Variants in SLC44A5 observed in about 807,000 individuals in gnomAD.
SLC44A5 encodes the protein choline transporter-like protein 5.
SLC44A5 carries 57 observed loss-of-function variants against 101.8 expected under a neutral mutation model. That is an observed-to-expected ratio of 0.56 (90% CI 0.45 to 0.70). The LOEUF (loss-of-function observed/expected upper bound fraction) is 0.70, where lower values mean the gene tolerates loss of function less well. SLC44A5 is among the 30% of genes least tolerant of loss of function. SLC44A5 has a pLI of 0.00. For synonymous variants in SLC44A5, 281 were observed against 290.9 expected (o/e 0.97, Z 0.35); for missense variants, 737 against 853.1 (o/e 0.86, Z 1.70).
chr1:75,473,147 G>A (rs577827993), intron 2 of SLC44A5, among the ~76,000 whole-genome samples: 1 of 152,274 alleles, frequency 6.6e-6, no homozygotes, highest in African/African-American at 2.4e-5. Flanking sequence ...CTAGCATTCA[G>A]CTAAGTGTCC....
chr1:75,227,950 T>G, intron 12 of SLC44A5, 93 bp from the exon 13 acceptor site: 1 of 1,022,950 alleles, frequency 9.8e-7, no homozygotes, highest in Non-Finnish European at 1.4e-6. Context: ...ATGAAACTGA[T>G]CAGCATGGTA....
intron 4 of SLC44A5, among the ~76,000 whole-genome samples, chr1:75,318,585 T>C (rs1266596161): frequency 6.6e-6 from 1 of 152,194 alleles, no homozygotes; most frequent in African/African-American, 2.4e-5. Context: ...GACAAGTTCA[T>C]ATAGGAACTT....
At chr1:75,351,846 C>CAAAAAAAAAAAAAAAA (rs71071942) in intron 3 of SLC44A5, among the ~76,000 whole-genome samples, 1 of 28,410 alleles carries the variant, frequency 3.5e-5, no homozygotes, top group Admixed American at 8.5e-4. Flanking sequence ...CACACTTTAC[C>CAAAAAAAAAAAAAAAA]AAAAAAAAAA....
chr1:75,623,807 A>G, the SLC44A5 span, among the ~76,000 whole-genome samples: 20 of 152,132 alleles, frequency 1.3e-4, no homozygotes, highest in Non-Finnish European at 2.5e-4. Context: ...ACTGGTTGAG[A>G]GTTAAATTTG....
At chr1:75,679,702 A>T in the SLC44A5 span, among the ~76,000 whole-genome samples, 8 of 152,290 alleles carry the variant, frequency 5.3e-5, no homozygotes, top group South Asian at 1.0e-3. Context: ...AAACTGCATC[A>T]ACTAACAAGC....
chr1:75,206,461 C>T, intron 23 of SLC44A5: 1 of 589,154 alleles, frequency 1.7e-6, no homozygotes, highest in Non-Finnish European at 3.0e-6. Context: ...TCATCAAATA[C>T]CTGACACCTC....
chr1:75,485,231 T>TA (rs2101793005), intron 2 of SLC44A5, among the ~76,000 whole-genome samples: 1 of 152,338 alleles, frequency 6.6e-6, no homozygotes, highest in East Asian at 1.9e-4. Flanking sequence ...CTTTTAAACA[T>TA]AAGCTCTAAT....
chr1:75,330,452 T>C (rs1175680507), intron 4 of SLC44A5, among the ~76,000 whole-genome samples: 1 of 152,134 alleles, frequency 6.6e-6, no homozygotes, highest in Non-Finnish European at 1.5e-5. Flanking sequence ...CTCCAACATC[T>C]GTAACATATT....
At chr1:75,674,136 G>C in the SLC44A5 span, among the ~76,000 whole-genome samples, 3,151 of 152,150 alleles carry the variant, frequency 0.021, 114 homozygotes, top group African/African-American at 0.072. Context: ...CAAAAGAGCT[G>C]TTTTGAGGAA....
chr1:75,226,657 C>T (rs572632827), intron 13 of SLC44A5, among the ~76,000 whole-genome samples: 1 of 152,092 alleles, frequency 6.6e-6, no homozygotes, highest in South Asian at 2.1e-4. Context: ...GAGGTTCTTT[C>T]TGGGCTTCTT....
chr1:75,680,848 A>G, the SLC44A5 span, among the ~76,000 whole-genome samples: 1 of 151,762 alleles, frequency 6.6e-6, no homozygotes, highest in Non-Finnish European at 1.5e-5. Context: ...GGATCAACAA[A>G]ATTGATAGAC....
intron 4 of SLC44A5, among the ~76,000 whole-genome samples, chr1:75,302,118 T>TTG (rs1314376763): frequency 7.3e-6 from 1 of 137,188 alleles, no homozygotes; most frequent in Non-Finnish European, 1.6e-5. Context: ...TTTTGTTTTT[T>TTG]TTTTTTTTTT....
chr1:75,610,288 G>A (rs1165073453), intron 1 of SLC44A5, among the ~76,000 whole-genome samples: 1 of 152,000 alleles, frequency 6.6e-6, no homozygotes, highest in Non-Finnish European at 1.5e-5. Context: ...ATTATTTAGA[G>A]AGAGCAATAT....
At position 75,463,306 on chromosome 1, in the gene SLC44A5, G is replaced by C. The variant is rs182269501; in HGVS notation, c.14-66685C>G. 6.9e-3 allele frequency among the ~76,000 whole-genome samples: 1,038 copies of C among 151,524 alleles called. 8 individuals carry two copies. The highest frequency in any genetic ancestry group is 0.01 in the Admixed American group (153 of 15,146). On this transcript the variant is annotated intron_variant, in intron 2 of 23. Transcript: ENST00000370859. Reference sequence around the variant, plus strand: ...GCGGTGGCAGGCGCCTGTAGTCCCAGCTACTCGGGAGGCTGAGGCAGGAGA... The same window carrying C: ...GCGGTGGCAGGCGCCTGTAGTCCCACCTACTCGGGAGGCTGAGGCAGGAGA...
the SLC44A5 span, among the ~76,000 whole-genome samples, chr1:75,660,825 A>C: frequency 6.6e-6 from 1 of 152,178 alleles, no homozygotes; most frequent in Non-Finnish European, 1.5e-5. Context: ...ACATCAAAAA[A>C]TGGAAAAATA....
intron 2 of SLC44A5, among the ~76,000 whole-genome samples, chr1:75,487,126 G>A (rs941536307): frequency 7.2e-5 from 11 of 152,134 alleles, no homozygotes; most frequent in African/African-American, 2.4e-4. Context: ...TCTATTAATA[G>A]TATCTATTAT....
Position 75,383,664 on chromosome 1 carries a change from T to A in SLC44A5, c.52+12919A>T, listed in dbSNP as rs544639990. Among the ~76,000 whole-genome samples, 588 of 152,194 alleles carry A rather than the reference T, an allele frequency of 3.9e-3. 2 individuals are homozygous for A. Among genetic ancestry groups the A allele is most frequent in the African/African-American group, 0.014 (562 of 41,526 alleles). ...ATTATCCAGGAGAACTTCCCCAATCTAGCAAGGCAGGCCAACATTCAGATT... is the reference window on the plus strand; with the variant it reads ...ATTATCCAGGAGAACTTCCCCAATCAAGCAAGGCAGGCCAACATTCAGATT... On this transcript the variant is annotated intron_variant, in intron 3 of 23. Transcript: ENST00000370859.
chr1:75,273,803 A>AT (rs1222233955), intron 6 of SLC44A5, among the ~76,000 whole-genome samples: 1 of 152,060 alleles, frequency 6.6e-6, no homozygotes, highest in East Asian at 1.9e-4. Context: ...GAATTTTTGC[A>AT]TCTATGTTCA....
At chr1:75,481,938 A>G (rs1476764671) in intron 2 of SLC44A5, among the ~76,000 whole-genome samples, 1 of 152,206 alleles carries the variant, frequency 6.6e-6, no homozygotes, top group Non-Finnish European at 1.5e-5. Flanking sequence ...CCAAAGGACT[A>G]TAAATCATGC....
Sources: allele counts gnomAD v4.1 joint callset (sites outside exome capture counted in the v4.1 genomes callset), GRCh38; gene constraint gnomAD v4.1.1; transcripts MANE v1.5; gene names NCBI Gene and HGNC (gene_info 2026-07-23, HGNC 2026-07-21).